NEO1: variants seen among roughly 807,000 people sequenced by gnomAD.
The protein encoded by NEO1 is neogenin 1.
NEO1 carries 63 observed loss-of-function variants against 159.7 expected under a neutral mutation model. The observed-to-expected ratio is 0.39, with a 90% CI of 0.32 to 0.49. The LOEUF is 0.49. Among genes scored for constraint, NEO1 ranks in the 20% least tolerant of loss-of-function variants. NEO1 has a pLI of 0.85. For synonymous variants in NEO1, 633 were observed against 662.0 expected (o/e 0.96, Z 0.67); for missense variants, 1,615 against 1,831.0 (o/e 0.88, Z 2.15).
At chr15:73,240,619 C>G (rs1227149908) in intron 8 of NEO1, among the ~76,000 whole-genome samples, 1 of 152,064 alleles carries the variant, frequency 6.6e-6, no homozygotes, top group Non-Finnish European at 1.5e-5. Context: ...TTAAACAGTA[C>G]TTTGGGAACA....
chr15:73,224,565 G>A (rs2038467998), intron 7 of NEO1, among the ~76,000 whole-genome samples: 1 of 144,084 alleles, frequency 6.9e-6, no homozygotes, highest in African/African-American at 2.4e-5. Flanking sequence ...TTGTCTTTGA[G>A]CTCTCAATTT....
intron 8 of NEO1, among the ~76,000 whole-genome samples, 183 bp from the exon 9 acceptor site, chr15:73,244,161 C>G (rs546768339): frequency 6.6e-6 from 1 of 152,206 alleles, no homozygotes; most frequent in East Asian, 1.9e-4. Flanking sequence ...TTGTCAGATA[C>G]GTATGCCCTT....
intron 26 of NEO1, among the ~76,000 whole-genome samples, chr15:73,295,744 GGA>G (rs1443908254): frequency 6.6e-6 from 1 of 152,176 alleles, no homozygotes; most frequent in Non-Finnish European, 1.5e-5. Context: ...CTGTGTCTCT[GGA>G]GCTCAGAGTG....
intron 7 of NEO1, among the ~76,000 whole-genome samples, chr15:73,197,382 A>T (rs2036585835): frequency 6.6e-6 from 1 of 152,078 alleles, no homozygotes; most frequent in Admixed American, 6.5e-5. Context: ...TATACTTCTA[A>T]GAAAGTATGA....
In NEO1 at chr15:73,116,651, C is replaced by T; in HGVS notation, c.242C>T (p.Ser81Phe). The change falls in exon 2 of 29, where the codon TCT (serine) becomes TTT (phenylalanine). Residue 81 changes from serine (S) to phenylalanine (F), a missense_variant. Ser to Phe is a radical substitution (Grantham distance 155). Around this residue, in one of 3 missense-constraint regions of NEO1, gnomAD observed 1,018 missense variants for 1,115.4 expected, o/e 0.91. Transcript: ENST00000261908. ...AACTGTTCAGCATATTCTGAGCCTT[C>T]TCCAAAAATTGAATGGAAAAAAGAT... ...ILNCSAYSEP[S>F]PKIEWKKDGT... The T allele has an allele frequency of 6.2e-7, 1 of 1,613,940 alleles. No homozygotes were observed. Among genetic ancestry groups the T allele is most frequent in the Non-Finnish European group, 8.5e-7 (1 of 1,179,926 alleles).
intron 5 of NEO1, among the ~76,000 whole-genome samples, chr15:73,169,621 C>T (rs902121557): frequency 1.3e-5 from 2 of 148,198 alleles, no homozygotes; most frequent in Admixed American, 1.3e-4. Flanking sequence ...AAATGCATAC[C>T]GAAATTATCT....
chr15:73,238,443 A>G (rs2039318061), intron 8 of NEO1, among the ~76,000 whole-genome samples: 2 of 151,524 alleles, frequency 1.3e-5, no homozygotes, highest in South Asian at 4.1e-4. Context: ...TAATACATTA[A>G]TTTCAATTCG....
intron 7 of NEO1, among the ~76,000 whole-genome samples, chr15:73,229,466 A>G (rs1193327001): frequency 1.4e-5 from 2 of 140,732 alleles, no homozygotes; most frequent in South Asian, 2.1e-4. Flanking sequence ...TTTTTTTTTC[A>G]GTAGATTCAT....
chr15:73,122,470 A>C, intron 2 of NEO1, 55 bp from the exon 3 acceptor site: 1 of 1,534,626 alleles, frequency 6.5e-7, no homozygotes, highest in South Asian at 1.3e-5. Context: ...CCCAAGACAA[A>C]ATTTTAAAGT....
chr15:73,255,045 A>AT (rs1381284846), intron 13 of NEO1, among the ~76,000 whole-genome samples: 2 of 151,940 alleles, frequency 1.3e-5, no homozygotes, highest in Admixed American at 6.6e-5. Flanking sequence ...ATCGAGTTTG[A>AT]TTTTTCCTTT....
chr15:73,180,158 A>G (rs1282340119), intron 7 of NEO1, among the ~76,000 whole-genome samples: 1 of 152,184 alleles, frequency 6.6e-6, no homozygotes, highest in Non-Finnish European at 1.5e-5. Context: ...CTTTTATTCA[A>G]GTCAAATACA....
intron 27 of NEO1, among the ~76,000 whole-genome samples, chr15:73,299,442 G>A (rs1246329308): frequency 3.3e-5 from 5 of 151,380 alleles, no homozygotes; most frequent in African/African-American, 7.3e-5. Context: ...CTGGAGTACA[G>A]TGGGGCAATC....
intron 19 of NEO1, among the ~76,000 whole-genome samples, chr15:73,272,854 G>A (rs1291186657): frequency 6.6e-6 from 1 of 151,354 alleles, no homozygotes. Flanking sequence ...CCTTAGGAAA[G>A]CTGCTCTTCT....
chr15:73,273,673 A>T, intron 19 of NEO1, 138 bp from the exon 20 acceptor site: 1 of 652,048 alleles, frequency 1.5e-6, no homozygotes, highest in Non-Finnish European at 2.5e-6. Context: ...GAATTATTTT[A>T]ATTGTAGACC....
chr15:73,102,504 A>G lies in NEO1; in HGVS notation c.131-14036A>G, dbSNP rs557177549. Among the ~76,000 whole-genome samples the G allele has an allele frequency of 2.7e-4, 41 of 152,350 alleles. No individual in the cohort carries two copies. In the South Asian group the frequency reaches 8.3e-3, roughly 31 times the overall value. ...GTCTGTCATCTGTTTATAGGACTACATTAGAGCTGTTCTTGCCTGGATCAT... is the reference window on the plus strand; with the variant it reads ...GTCTGTCATCTGTTTATAGGACTACGTTAGAGCTGTTCTTGCCTGGATCAT... On this transcript the variant is annotated intron_variant, in intron 1 of 28. Coordinates refer to ENST00000261908, the MANE Select transcript of NEO1 (RefSeq NM_002499.4).
chr15:73,180,523 A>G (rs988756917), intron 7 of NEO1, among the ~76,000 whole-genome samples: 5 of 152,154 alleles, frequency 3.3e-5, no homozygotes, highest in African/African-American at 7.2e-5. Context: ...TACTTGTGGC[A>G]GTGACTTTTC....
chr15:73,253,170 G>T (rs899770767), intron 11 of NEO1, among the ~76,000 whole-genome samples: 4 of 152,120 alleles, frequency 2.6e-5, no homozygotes, highest in African/African-American at 9.7e-5. Context: ...TGGCTTGGGT[G>T]TAGGTGCTTT....
chr15:73,248,954 T>G, intron 9 of NEO1, 106 bp from the exon 10 acceptor site: 1 of 1,027,378 alleles, frequency 9.7e-7, no homozygotes. Context: ...TTTTCTTAGC[T>G]TCTATTATTT....
chr15:73,121,034 G>T (rs55836604), intron 2 of NEO1, among the ~76,000 whole-genome samples: 45,865 of 151,868 alleles, frequency 0.3, 8,482 homozygotes, highest in Admixed American at 0.44. Context: ...AGGTTTTCCT[G>T]TAACTGCCAC....
Sources: allele counts gnomAD v4.1 joint callset (sites outside exome capture counted in the v4.1 genomes callset), GRCh38; gene constraint gnomAD v4.1.1; regional missense constraint gnomAD v4.1.1; transcripts MANE v1.5; gene names NCBI Gene and HGNC (gene_info 2026-07-23, HGNC 2026-07-21).